Variants in ATE1 observed in about 807,000 individuals in gnomAD.
ATE1 encodes the protein arginyl-tRNA--protein transferase 1.
In ATE1, 36 loss-of-function variants were observed where a neutral mutation model predicts 70.5. The ratio of observed to expected loss-of-function variants is 0.51; its 90% CI spans 0.39 to 0.67. The LOEUF (loss-of-function observed/expected upper bound fraction) is 0.67. Among genes scored for constraint, ATE1 ranks in the 30% least tolerant of loss-of-function variants. The pLI, the probability that ATE1 is intolerant of heterozygous loss-of-function variation, is 0.00. For synonymous variants in ATE1, 232 were observed against 219.3 expected (o/e 1.06, Z -0.51); for missense variants, 593 against 629.5 (o/e 0.94, Z 0.62).
chr10:121,743,916 CTTTTTTTTTT>C (rs35850942), intron 11 of ATE1, 58 bp from the exon 12 acceptor site: 52 of 870,826 alleles, frequency 6.0e-5, no homozygotes, highest in East Asian at 4.1e-4. Flanking sequence ...TTTTTGTTTC[CTTTTTTTTTT>C]TTTTTTTTTT....
intron 2 of ATE1, among the ~76,000 whole-genome samples, chr10:121,922,730 G>A (rs1043457609): frequency 9.2e-5 from 14 of 152,140 alleles, no homozygotes; most frequent in Non-Finnish European, 4.4e-5. Context: ...TGAGAGAAAT[G>A]CCCACGATGC....
intron 7 of ATE1, among the ~76,000 whole-genome samples, chr10:121,885,868 T>G (rs1290592467): frequency 6.6e-6 from 1 of 152,044 alleles, no homozygotes; most frequent in Non-Finnish European, 1.5e-5. Flanking sequence ...CCACTGAGCT[T>G]TAGCCTTGGC....
rs117435772 is a variant in ATE1, at chr10:121,856,253, G to A, written c.975+13753C>T. Among the ~76,000 whole-genome samples the A allele has an allele frequency of 1.4e-4, 22 of 152,172 alleles. No individual in the cohort carries two copies. In the East Asian group the frequency reaches 3.3e-3, roughly 23 times the overall value. On this transcript the variant is annotated intron_variant, in intron 8 of 11. Coordinates refer to ENST00000224652, the MANE Select transcript of ATE1 (RefSeq NM_001001976.3). The stretch of plus-strand genomic sequence containing the variant: ...AAAATAATACAGGCATACCTGGCCG[G>A]GCGCAGTGGCTTACACCTGTAATCC...
intron 8 of ATE1, among the ~76,000 whole-genome samples, chr10:121,860,353 C>A (rs543802079): frequency 1.3e-5 from 2 of 152,298 alleles, no homozygotes; most frequent in Non-Finnish European, 2.9e-5. Flanking sequence ...CTGCAGTCCA[C>A]CATGCCAACA....
chr10:121,810,601 T>A (rs534686470), intron 10 of ATE1, among the ~76,000 whole-genome samples: 55 of 152,266 alleles, frequency 3.6e-4, no homozygotes, highest in Middle Eastern at 3.4e-3. Flanking sequence ...GTAAAGTTCT[T>A]CTGGAATATT....
rs1278388285 is a variant in ATE1, at chr10:121,887,662, C to T, written c.942+12204G>A. On this transcript the variant is annotated intron_variant, in intron 7 of 11. Transcript: ENST00000224652. Reference sequence around the variant, plus strand: ...TTGAGGTTACAGTGAGCTATGATCACGCCACTTGCACTCCAGCCTGGGCAA... The same window carrying T: ...TTGAGGTTACAGTGAGCTATGATCATGCCACTTGCACTCCAGCCTGGGCAA... 3.3e-5 allele frequency among the ~76,000 whole-genome samples: 5 copies of T among 152,064 alleles called. No homozygotes were observed. The East Asian group carries it at 5.8e-4, about 18-fold the overall frequency.
intron 10 of ATE1, among the ~76,000 whole-genome samples, chr10:121,826,096 T>C (rs747259977): frequency 1.3e-5 from 2 of 152,184 alleles, no homozygotes; most frequent in Non-Finnish European, 2.9e-5. Context: ...TTCCACTTTT[T>C]TGAGGTACCT....
rs141856434 is a variant in ATE1 at position 121,771,992 on chromosome 10, T to C, written c.1378+18177A>G. ...AAATTCAGAAAATCCCTGTCATTTG[T>C]AAGAACAATATTCTCGTTGTTCTTT... is the stretch of plus-strand genomic sequence containing the variant. On this transcript the variant is annotated intron_variant, in intron 11 of 11. Transcript: ENST00000224652. 3.4e-3 allele frequency among the ~76,000 whole-genome samples: 513 copies of C among 152,374 alleles called. 4 individuals are homozygous for C. Among genetic ancestry groups the C allele is most frequent in the African/African-American group, 0.011 (463 of 41,600 alleles).
rs75649243 is a variant in ATE1, at chr10:121,802,625, G to A, written c.1258-12336C>T. The stretch of plus-strand genomic sequence containing the variant: ...CACCTGGCCCCTACTCCGTTTTTGA[G>A]ACCCAACCTAAAAACTGCCTACTCT... On this transcript the variant is annotated intron_variant, in intron 10 of 11. Coordinates refer to ENST00000224652, the MANE Select transcript of ATE1 (RefSeq NM_001001976.3). Among the ~76,000 whole-genome samples, 446 of 152,104 alleles carry A rather than the reference G, an allele frequency of 2.9e-3. 2 individuals are homozygous for A. Among genetic ancestry groups the A allele is most frequent in the Middle Eastern group, 0.02 (6 of 294 alleles).
chr10:121,796,602 T>C (rs1010751532), intron 10 of ATE1, among the ~76,000 whole-genome samples: 1 of 152,204 alleles, frequency 6.6e-6, no homozygotes, highest in Non-Finnish European at 1.5e-5. Context: ...TCTTTTTCTT[T>C]GATGAAAACC....
At chr10:121,770,541 A>G (rs1390958581) in intron 11 of ATE1, among the ~76,000 whole-genome samples, 1 of 152,110 alleles carries the variant, frequency 6.6e-6, no homozygotes, top group Non-Finnish European at 1.5e-5. Context: ...CTTTAAAACT[A>G]TTTGCTTTTG....
intron 11 of ATE1, among the ~76,000 whole-genome samples, chr10:121,759,646 C>T (rs1944953475): frequency 6.6e-6 from 1 of 151,776 alleles, no homozygotes. Context: ...CTGGCGTGAA[C>T]CCAGGAGGCA....
chr10:121,837,856 A>G (rs1428987619), intron 9 of ATE1, among the ~76,000 whole-genome samples: 3 of 152,280 alleles, frequency 2.0e-5, no homozygotes, highest in African/African-American at 7.2e-5. Flanking sequence ...GCGTAAGACC[A>G]CCAATTCCGA....
chr10:121,838,049 T>A (rs1948493657), intron 9 of ATE1, among the ~76,000 whole-genome samples: 1 of 152,110 alleles, frequency 6.6e-6, no homozygotes, highest in Admixed American at 6.6e-5. Flanking sequence ...ATGTCTTGAA[T>A]CTGACCACTT....
chr10:121,815,920 C>T (rs561751966), intron 10 of ATE1, among the ~76,000 whole-genome samples: 13 of 152,132 alleles, frequency 8.5e-5, no homozygotes, highest in Non-Finnish European at 1.6e-4. Context: ...ACCAGATGCC[C>T]GTAGCACACA....
At chr10:121,760,668 T>C (rs974267613) in intron 11 of ATE1, among the ~76,000 whole-genome samples, 6 of 152,128 alleles carry the variant, frequency 3.9e-5, no homozygotes, top group African/African-American at 1.4e-4. Context: ...GCTGCAAATA[T>C]GGTTGAAATG....
At chr10:121,844,589 T>C (rs933753634) in intron 8 of ATE1, among the ~76,000 whole-genome samples, 4 of 152,158 alleles carry the variant, frequency 2.6e-5, no homozygotes, top group African/African-American at 9.7e-5. Flanking sequence ...ATTCATCCAA[T>C]TGATTTGAAA....
chr10:121,841,352 T>C (rs1482369464), intron 8 of ATE1, 89 bp from the exon 9 acceptor site: 3 of 968,346 alleles, frequency 3.1e-6, no homozygotes, highest in East Asian at 3.3e-5. Flanking sequence ...CTCAGGTTAA[T>C]AAGTCCTTAA....
chr10:121,913,907 A>G lies in ATE1; in HGVS notation c.234-14T>C. On this transcript the variant is annotated splice_polypyrimidine_tract_variant and intron_variant, in intron 3 of 11. Coordinates refer to ENST00000224652, the MANE Select transcript of ATE1 (RefSeq NM_001001976.3). ...AAAGGTCGGCACCTAGGAAAGCAAAATAAATATTTAAAAAGTGAACTCAAA... is the reference window on the plus strand; with the variant it reads ...AAAGGTCGGCACCTAGGAAAGCAAAGTAAATATTTAAAAAGTGAACTCAAA... The G allele has an allele frequency of 6.3e-7, 1 of 1,589,526 alleles. No homozygotes were observed. The highest frequency in any genetic ancestry group is 8.6e-7 in the Non-Finnish European group (1 of 1,162,704).
Sources: gnomAD v4.1 joint callset for allele counts (sites outside exome capture counted in the v4.1 genomes callset) on GRCh38, gnomAD v4.1.1 for gene constraint, MANE v1.5 for transcripts, NCBI Gene and HGNC (gene_info 2026-07-23, HGNC 2026-07-21) for gene names.